Variants in RALYL observed in about 807,000 individuals in gnomAD.
RALYL encodes RALY RNA binding protein like.
A neutral mutation model predicts 35.1 loss-of-function variants in RALYL; 29 were observed. The observed-to-expected ratio is 0.83, with a 90% confidence interval of 0.61 to 1.13. The LOEUF (loss-of-function observed/expected upper bound fraction) is 1.13. Among genes scored for constraint, RALYL ranks in the 50% most tolerant of loss-of-function variants. RALYL has a pLI of 0.00. For synonymous variants in RALYL, 120 were observed against 127.6 expected, an observed-to-expected ratio of 0.94 and a Z score of 0.40; for missense variants, 359 against 360.4, an observed-to-expected ratio of 1.00 and a Z score of 0.03.
chr8:84,712,670 A>C (rs891864553), intron 2 of RALYL, among the ~76,000 whole-genome samples: 2 of 151,354 alleles, frequency 1.3e-5, no homozygotes, highest in Non-Finnish European at 2.9e-5. Flanking sequence ...CACTTGCATA[A>C]AAACCGTGGC....
intron 1 of RALYL, among the ~76,000 whole-genome samples, chr8:84,409,139 A>G (rs893983310): frequency 3.9e-5 from 6 of 152,204 alleles, no homozygotes; most frequent in African/African-American, 1.4e-4. Flanking sequence ...ATCCTGCATA[A>G]TCTTGCATAA....
chr8:84,330,884 A>G (rs1371242723), intron 1 of RALYL, among the ~76,000 whole-genome samples: 6 of 152,106 alleles, frequency 3.9e-5, no homozygotes, highest in Non-Finnish European at 8.8e-5. Context: ...GAAGAATTTC[A>G]TGAACTTCTA....
intron 1 of RALYL, among the ~76,000 whole-genome samples, chr8:84,466,798 T>A (rs1242864462): frequency 6.6e-6 from 1 of 151,712 alleles, no homozygotes; most frequent in Non-Finnish European, 1.5e-5. Context: ...GGTAAGCTAT[T>A]GATTATTGCC....
chr8:84,408,140 T>A (rs1376787306), intron 1 of RALYL, among the ~76,000 whole-genome samples: 1 of 152,134 alleles, frequency 6.6e-6, no homozygotes, highest in Non-Finnish European at 1.5e-5. Context: ...ATAAAATTTA[T>A]AAATGTTTAA....
intron 1 of RALYL, among the ~76,000 whole-genome samples, chr8:84,239,799 G>C: frequency 6.6e-6 from 1 of 152,180 alleles, no homozygotes. Flanking sequence ...GATGAAGCAG[G>C]AGAATCGCTG....
At chr8:84,898,924 GCCTTTCTCTTC>G (rs1318491933) in intron 8 of RALYL, among the ~76,000 whole-genome samples, 1 of 152,158 alleles carries the variant, frequency 6.6e-6, no homozygotes, top group Non-Finnish European at 1.5e-5. Flanking sequence ...TTTTTAAAAT[GCCTTTCTCTTC>G]AACTAGATTT....
At chr8:84,372,116 A>G (rs993632289) in intron 1 of RALYL, among the ~76,000 whole-genome samples, 3 of 152,136 alleles carry the variant, frequency 2.0e-5, no homozygotes, top group African/African-American at 7.2e-5. Flanking sequence ...TTCAAAATGT[A>G]AAGAAAGAGG....
chr8:84,310,570 G>A (rs1178245026), intron 1 of RALYL, among the ~76,000 whole-genome samples: 2 of 151,896 alleles, frequency 1.3e-5, no homozygotes, highest in East Asian at 1.9e-4. Flanking sequence ...AGGAAGGGAC[G>A]AAGGGACAAG....
intron 8 of RALYL, among the ~76,000 whole-genome samples, chr8:84,918,817 CTT>C (rs981610745): frequency 2.0e-5 from 3 of 152,142 alleles, no homozygotes; most frequent in African/African-American, 7.2e-5. Flanking sequence ...GTTAATGAGT[CTT>C]TTGTTTTATT....
At chr8:84,901,184 G>A (rs1409275399) in intron 8 of RALYL, among the ~76,000 whole-genome samples, 2 of 152,120 alleles carry the variant, frequency 1.3e-5, no homozygotes, top group Non-Finnish European at 2.9e-5. Flanking sequence ...AAGGGGCAGA[G>A]GAAAAATTTA....
Position 84,613,154 on chromosome 8 carries a change from G to A in RALYL, c.256+83577G>A, listed in dbSNP as rs546945187. The stretch of plus-strand genomic sequence containing the variant: ...ATTTCAATATAAAAAATTTAAGGTA[G>A]GCAGAGTTATGCTTGTCTTATAGAA... On this transcript the variant is annotated intron_variant, in intron 2 of 8. Coordinates refer to ENST00000521268, the MANE Select transcript of RALYL (RefSeq NM_173848.7). 4.0e-5 allele frequency among the ~76,000 whole-genome samples: 6 copies of A among 151,626 alleles called. No individual in the cohort carries two copies. The East Asian group carries it at 9.7e-4, about 24-fold the overall frequency.
At chr8:84,218,149 G>A (rs1242908836) in intron 1 of RALYL, among the ~76,000 whole-genome samples, 1 of 152,046 alleles carries the variant, frequency 6.6e-6, no homozygotes, top group Non-Finnish European at 1.5e-5. Context: ...TTGTTGGCAA[G>A]TAGAGAGACT....
chr8:84,254,169 A>T (rs1338203469), intron 1 of RALYL, among the ~76,000 whole-genome samples: 1 of 152,132 alleles, frequency 6.6e-6, no homozygotes, highest in Non-Finnish European at 1.5e-5. Context: ...CTTTTACCTC[A>T]TTACTAACAT....
chr8:84,766,530 A>AAAAT (rs10695999), intron 2 of RALYL, among the ~76,000 whole-genome samples: 47,386 of 124,688 alleles, frequency 0.38, 9,477 homozygotes, highest in South Asian at 0.62. Context: ...CATCTCTACT[A>AAAAT]AAATAAATAA....
At chr8:84,444,719 A>AG (rs1167123340) in intron 1 of RALYL, among the ~76,000 whole-genome samples, 1 of 152,114 alleles carries the variant, frequency 6.6e-6, no homozygotes, top group Non-Finnish European at 1.5e-5. Context: ...CATGCAAAAA[A>AG]CAATAGGAAT....
rs186813574 is a variant in RALYL at position 84,459,725 on chromosome 8, T to A, written c.-23-69574T>A. 4.4e-3 allele frequency among the ~76,000 whole-genome samples: 675 copies of A among 151,792 alleles called. 6 individuals are homozygous for A. The highest frequency in any genetic ancestry group is 0.016 in the African/African-American group (650 of 41,484). On this transcript the variant is annotated intron_variant, in intron 1 of 8. Transcript: ENST00000521268. ...AATTGCTGAAATCATCTCCAGTAAG[T>A]GAGAGAGAGGATAGTGGAGTAGAAT... is the stretch of plus-strand genomic sequence containing the variant.
intron 2 of RALYL, 41 bp from the exon 3 acceptor site, chr8:84,774,538 C>A: frequency 7.8e-7 from 1 of 1,287,018 alleles, no homozygotes; most frequent in Non-Finnish European, 1.1e-6. Flanking sequence ...CAGATGGTTT[C>A]GTATTTTCTT....
At chr8:84,882,746 TAC>T (rs1356472175) in intron 7 of RALYL, among the ~76,000 whole-genome samples, 1 of 151,590 alleles carries the variant, frequency 6.6e-6, no homozygotes, top group Admixed American at 6.6e-5. Flanking sequence ...CAAACACACA[TAC>T]ACACTCACAC....
intron 2 of RALYL, among the ~76,000 whole-genome samples, chr8:84,734,491 C>G (rs1035592710): frequency 6.6e-6 from 1 of 152,002 alleles, no homozygotes; most frequent in African/African-American, 2.4e-5. Context: ...TATTTTGGGT[C>G]TTGGAATGAA....
Sources: allele counts gnomAD v4.1 joint callset (sites outside exome capture counted in the v4.1 genomes callset), GRCh38; gene constraint gnomAD v4.1.1; transcripts MANE v1.5; gene names NCBI Gene and HGNC (gene_info 2026-07-23, HGNC 2026-07-21).